The following ARHGAP15 variants were observed in gnomAD, a reference collection of about 807,000 sequenced individuals.
ARHGAP15 encodes the protein Rho GTPase activating protein 15.
Under a neutral mutation model 63.7 loss-of-function variants are expected in ARHGAP15, and 51 were observed. The ratio of observed to expected loss-of-function variants is 0.80; its 90% CI spans 0.64 to 1.01. The LOEUF (loss-of-function observed/expected upper bound fraction) is 1.01, where lower values mean the gene tolerates loss of function less well. Among genes scored for constraint, ARHGAP15 ranks in the 50% least tolerant of loss-of-function variants. The probability of loss-of-function intolerance (pLI) is 0.00; values close to 1 mark genes in which losing one functional copy is unlikely to be tolerated. For synonymous variants in ARHGAP15, 191 were observed against 193.8 expected (o/e 0.99, Z 0.12); for missense variants, 560 against 564.6 (o/e 0.99, Z 0.08).
chr2:143,212,054 A>T (rs896175252), intron 3 of ARHGAP15, among the ~76,000 whole-genome samples: 2 of 152,214 alleles, frequency 1.3e-5, no homozygotes, highest in Admixed American at 1.3e-4. Context: ...AGAAAGGGTT[A>T]TTTTAACAGA....
intron 10 of ARHGAP15, among the ~76,000 whole-genome samples, chr2:143,544,306 A>T (rs1695232145): frequency 6.6e-6 from 1 of 152,196 alleles, no homozygotes; most frequent in Non-Finnish European, 1.5e-5. Context: ...TACAGCATTC[A>T]AGGATACAGA....
intron 11 of ARHGAP15, among the ~76,000 whole-genome samples, chr2:143,623,643 C>T (rs1698727636): frequency 6.6e-6 from 1 of 152,202 alleles, no homozygotes; most frequent in Non-Finnish European, 1.5e-5. Context: ...AAAAGTGTTA[C>T]CCATTATTCC....
rs1238378483 is a variant in ARHGAP15, at chr2:143,680,376, G to A, written c.1139-23043G>A. Among the ~76,000 whole-genome samples the A allele has an allele frequency of 2.0e-5, 3 of 152,174 alleles. No individual in the cohort carries two copies. The South Asian group carries it at 6.2e-4, about 31-fold the overall frequency. ...GCAATTGTAGCTTAAATTCCAGCTT[G>A]GTATTTCCATAGATACAAAATGGAT... is the stretch of plus-strand genomic sequence containing the variant. On this transcript the variant is annotated intron_variant, in intron 12 of 13. Coordinates refer to ENST00000295095, the MANE Select transcript of ARHGAP15 (RefSeq NM_018460.4).
chr2:143,451,357 T>C (rs1363185059), intron 8 of ARHGAP15, among the ~76,000 whole-genome samples: 1 of 151,906 alleles, frequency 6.6e-6, no homozygotes, highest in African/African-American at 2.4e-5. Context: ...GATTCTAATT[T>C]GTGTTTGAAC....
At chr2:143,261,341 T>C (rs1469360694) in intron 6 of ARHGAP15, among the ~76,000 whole-genome samples, 1 of 135,444 alleles carries the variant, frequency 7.4e-6, no homozygotes, top group Non-Finnish European at 1.6e-5. Context: ...TTTTTTTTTT[T>C]TTTTTTTTTT....
chr2:143,342,766 A>T (rs1424913077), intron 6 of ARHGAP15, among the ~76,000 whole-genome samples: 1 of 152,054 alleles, frequency 6.6e-6, no homozygotes, highest in Non-Finnish European at 1.5e-5. Flanking sequence ...CATCATACAT[A>T]TAAGACCCAT....
chr2:143,690,243 A>G (rs1189739193), intron 12 of ARHGAP15, among the ~76,000 whole-genome samples: 1 of 152,220 alleles, frequency 6.6e-6, no homozygotes, highest in Non-Finnish European at 1.5e-5. Flanking sequence ...TGTTACTCTC[A>G]GTCCCTGTTT....
intron 11 of ARHGAP15, among the ~76,000 whole-genome samples, chr2:143,615,101 C>A (rs931635964): frequency 7.2e-5 from 11 of 152,128 alleles, no homozygotes; most frequent in Non-Finnish European, 1.3e-4. Flanking sequence ...TCCTGTGATG[C>A]AGAAAATTTA....
intron 1 of ARHGAP15, among the ~76,000 whole-genome samples, chr2:143,144,803 A>G (rs1689512704): frequency 6.6e-6 from 1 of 152,124 alleles, no homozygotes. Context: ...TAATTAGAGC[A>G]GTAATATGAA....
At chr2:143,714,300 G>A (rs1318960225) in intron 13 of ARHGAP15, among the ~76,000 whole-genome samples, 1 of 152,226 alleles carries the variant, frequency 6.6e-6, no homozygotes, top group Non-Finnish European at 1.5e-5. Flanking sequence ...TTCAGCCATG[G>A]CTGGAGTGGC....
chr2:143,314,250 AATTTT>A (rs1216916550), intron 6 of ARHGAP15, among the ~76,000 whole-genome samples: 2 of 152,176 alleles, frequency 1.3e-5, no homozygotes, highest in African/African-American at 2.4e-5. Context: ...AACATACGTG[AATTTT>A]ATTTTATTTT....
chr2:143,401,765 A>G (rs1282784223), intron 6 of ARHGAP15, among the ~76,000 whole-genome samples: 1 of 152,022 alleles, frequency 6.6e-6, no homozygotes, highest in Non-Finnish European at 1.5e-5. Context: ...GTGATGATAT[A>G]CAATATGTAT....
intron 6 of ARHGAP15, among the ~76,000 whole-genome samples, chr2:143,352,164 A>G (rs1161420789): frequency 1.3e-5 from 2 of 152,180 alleles, no homozygotes; most frequent in Non-Finnish European, 2.9e-5. Flanking sequence ...TGCTTTTGGC[A>G]AAGAATACCC....
chr2:143,631,455 T>G (rs1178881712), intron 12 of ARHGAP15, among the ~76,000 whole-genome samples: 1 of 152,076 alleles, frequency 6.6e-6, no homozygotes, highest in African/African-American at 2.4e-5. Flanking sequence ...TATATGAGAG[T>G]TCCAGTTTCC....
At chr2:143,317,621 A>G (rs1357791189) in intron 6 of ARHGAP15, among the ~76,000 whole-genome samples, 3 of 152,224 alleles carry the variant, frequency 2.0e-5, no homozygotes, top group African/African-American at 7.2e-5. Context: ...GTTCATTAGA[A>G]AGACATCTAG....
intron 12 of ARHGAP15, among the ~76,000 whole-genome samples, chr2:143,689,957 G>C (rs1322730381): frequency 6.6e-6 from 1 of 152,180 alleles, no homozygotes; most frequent in Non-Finnish European, 1.5e-5. Flanking sequence ...GCTTAGAAAG[G>C]AAGGCGACTG....
intron 9 of ARHGAP15, among the ~76,000 whole-genome samples, chr2:143,509,311 T>C (rs1693467604): frequency 6.6e-6 from 1 of 151,350 alleles, no homozygotes; most frequent in South Asian, 2.1e-4. Context: ...AATTAAGCTT[T>C]TTCTTGTACT....
At chr2:143,716,143 G>A (rs567514729) in intron 13 of ARHGAP15, among the ~76,000 whole-genome samples, 3 of 152,138 alleles carry the variant, frequency 2.0e-5, no homozygotes, top group South Asian at 2.1e-4. Flanking sequence ...GTAACAAACC[G>A]GCACATCCTG....
At chr2:143,235,232 T>A (rs183642842) in intron 5 of ARHGAP15, among the ~76,000 whole-genome samples, 108 of 150,210 alleles carry the variant, frequency 7.2e-4, no homozygotes, top group African/African-American at 2.6e-3. Flanking sequence ...ATAAGAAACA[T>A]AGTAGAGTTG....
Sources: gnomAD v4.1 joint callset for allele counts (sites outside exome capture counted in the v4.1 genomes callset) on GRCh38, gnomAD v4.1.1 for gene constraint, MANE v1.5 for transcripts, NCBI Gene and HGNC (gene_info 2026-07-23, HGNC 2026-07-21) for gene names.